Variants in NSMCE1 observed in about 807,000 individuals in gnomAD.
NSMCE1 encodes non-structural maintenance of chromosomes element 1 homolog.
In NSMCE1, 18 loss-of-function variants were observed where a neutral mutation model predicts 29.6. That is an observed-to-expected ratio of 0.61 (90% CI 0.42 to 0.90). The LOEUF is 0.90. Ranked by LOEUF, NSMCE1 falls within the 40% of genes least tolerant of loss-of-function variation. NSMCE1 has a pLI of 0.00. For missense variants in NSMCE1, 314 were observed against 343.6 expected (o/e 0.91, Z 0.68); for synonymous variants, 124 against 133.4 (o/e 0.93, Z 0.49).
intron 2 of NSMCE1, among the ~76,000 whole-genome samples, chr16:27,247,457 T>G (rs970187456): frequency 1.3e-5 from 2 of 152,148 alleles, no homozygotes; most frequent in East Asian, 1.9e-4. Context: ...TACCCAGTTT[T>G]GGGTATGTCT....
At chr16:27,252,868 G>A (rs1331347942) in intron 2 of NSMCE1, among the ~76,000 whole-genome samples, 4 of 152,142 alleles carry the variant, frequency 2.6e-5, no homozygotes, top group African/African-American at 4.8e-5. Flanking sequence ...GCAGTGAGCC[G>A]AGATCTTGCC....
At position 27,234,189 on chromosome 16, in the gene NSMCE1, G is replaced by C. The variant is rs1229509633; in HGVS notation, c.335C>G (p.Ala112Gly). ...AENELDLFRKALELIIDSETG... is the reference protein window; with the variant it reads ...AENELDLFRKGLELIIDSETG... The stretch of plus-strand genomic sequence containing the variant: ...GGCAATGGGGATTACTCTACTTACA[G>C]CCTTTCTAAACAAATCCAGTTCATT... The change falls in exon 4 of 8, where the codon GCT becomes GGT. Residue 112 changes from alanine to glycine, a missense_variant and splice_region_variant. By Grantham distance (60) the Ala-to-Gly change is moderately conservative. Transcript: ENST00000361439. 1 of 1,606,216 alleles carries C rather than the reference G, an allele frequency of 6.2e-7. No individual in the cohort carries two copies. The highest frequency in any genetic ancestry group is 8.5e-7 in the Non-Finnish European group (1 of 1,172,832).
At chr16:27,247,744 G>A (rs1596686787) in intron 2 of NSMCE1, among the ~76,000 whole-genome samples, 1 of 152,074 alleles carries the variant, frequency 6.6e-6, no homozygotes, top group African/African-American at 2.4e-5. Context: ...GGCTAACACA[G>A]TGAAACCCCA....
chr16:27,235,510 T>C (rs901296001), intron 2 of NSMCE1, among the ~76,000 whole-genome samples: 5 of 152,024 alleles, frequency 3.3e-5, no homozygotes, highest in African/African-American at 9.7e-5. Flanking sequence ...ATGGAGGGCG[T>C]TGTGAGGCAG....
chr16:27,265,377 C>T (rs771745080), intron 1 of NSMCE1, among the ~76,000 whole-genome samples: 12 of 151,960 alleles, frequency 7.9e-5, no homozygotes, highest in Middle Eastern at 3.4e-3. Context: ...CCTGTTGCCC[C>T]AGCTGGTCTC....
Position 27,225,186 on chromosome 16 carries a change from T to C in NSMCE1, c.772A>G (p.Lys258Glu), listed in dbSNP as rs745690563. Residue 258 changes from lysine to glutamate, a missense_variant, in exon 8 of 8, where the codon AAA (lysine) becomes GAA (glutamate). By Grantham distance (56) the Lys-to-Glu change is moderately conservative. Coordinates refer to ENST00000361439, the MANE Select transcript of NSMCE1 (RefSeq NM_145080.4). ...TGCTGCCTGGACCGCAGGGACTTTTTGTTCGATTTCAAGACACCAGACTCC... is the reference window on the plus strand; with the variant it reads ...TGCTGCCTGGACCGCAGGGACTTTTCGTTCGATTTCAAGACACCAGACTCC... The part of the protein sequence containing the change: ...ERESGVLKSN[K>E]KSLRSRQH The C allele has an allele frequency of 6.2e-7, 1 of 1,606,934 alleles. No homozygotes were observed. The highest frequency in any genetic ancestry group is 8.5e-7 in the Non-Finnish European group (1 of 1,175,956).
intron 1 of NSMCE1, among the ~76,000 whole-genome samples, chr16:27,263,229 A>G (rs1381265080): frequency 1.3e-5 from 2 of 152,224 alleles, no homozygotes; most frequent in Non-Finnish European, 1.5e-5. Context: ...TTCTACCATA[A>G]AGACACATGC....
chr16:27,225,087 C>G lies in NSMCE1; in HGVS notation c.*70G>C. The G allele has an allele frequency of 7.1e-6, 6 of 849,422 alleles. No homozygotes were observed. Among genetic ancestry groups the G allele is most frequent in the Non-Finnish European group, 1.2e-5 (6 of 508,042 alleles). The allele number at this position is 849,422 out of a possible 1,614,324, so 52.6% of individuals were successfully genotyped here. On this transcript the variant is annotated 3_prime_UTR_variant, in exon 8 of 8. Transcript: ENST00000361439. ...TCGCGTGGAACCTGAAACACGGACG[C>G]CTTTCTTCCAAGAAGGGCTGTGGCG...
At position 27,232,015 on chromosome 16, in the gene NSMCE1, C is replaced by T. The variant is rs541970603; in HGVS notation, c.483+986G>A. On this transcript the variant is annotated intron_variant, in intron 5 of 7. Transcript: ENST00000361439. The surrounding 1 kb of genome is among the most constrained non-coding windows in gnomAD (Gnocchi z 4.5). ...CCACCCTGTCTTCCCATCAGGTACC[C>T]CAGGAACTGAATTCGGGTCAGGTTC... Among the ~76,000 whole-genome samples the T allele has an allele frequency of 1.3e-5, 2 of 152,326 alleles. No homozygotes were observed. The highest frequency in any genetic ancestry group is 2.1e-4 in the South Asian group (1 of 4,826).
chr16:27,246,086 A>C (rs2083954690), intron 2 of NSMCE1, among the ~76,000 whole-genome samples: 1 of 152,224 alleles, frequency 6.6e-6, no homozygotes, highest in Non-Finnish European at 1.5e-5. Context: ...AGCACGCTGG[A>C]AACAAACCCG....
At chr16:27,226,586 G>C (rs923315935) in intron 6 of NSMCE1, 134 bp downstream of exon 6, 2 of 623,614 alleles carry the variant, frequency 3.2e-6, no homozygotes, top group South Asian at 3.9e-5. Context: ...GATGGCCTCC[G>C]CCAGCTCTTG....
chr16:27,227,097 G>C (rs1047886019), intron 5 of NSMCE1, among the ~76,000 whole-genome samples: 1 of 152,242 alleles, frequency 6.6e-6, no homozygotes, highest in South Asian at 2.1e-4. Flanking sequence ...GCCTTCAGAC[G>C]TGACTTCTCT....
At chr16:27,255,387 A>G (rs1596693881) in intron 2 of NSMCE1, among the ~76,000 whole-genome samples, 2 of 152,336 alleles carry the variant, frequency 1.3e-5, no homozygotes, top group South Asian at 4.1e-4. Flanking sequence ...CCGCAGAAGT[A>G]AAAAGCCATT....
At chr16:27,253,384 G>A (rs568712134) in intron 2 of NSMCE1, among the ~76,000 whole-genome samples, 26 of 152,312 alleles carry the variant, frequency 1.7e-4, no homozygotes, top group Admixed American at 9.8e-4. Context: ...GTTATCTAGA[G>A]AACTGGAGTA....
chr16:27,239,246 C>T (rs973409707), intron 2 of NSMCE1, among the ~76,000 whole-genome samples: 2 of 152,180 alleles, frequency 1.3e-5, no homozygotes, highest in Admixed American at 6.5e-5. Context: ...GTCCACTAAG[C>T]GCTAAGGTTG....
intron 2 of NSMCE1, among the ~76,000 whole-genome samples, chr16:27,239,792 CA>C (rs1410507360): frequency 1.3e-5 from 2 of 152,176 alleles, no homozygotes; most frequent in Non-Finnish European, 2.9e-5. Flanking sequence ...ATGTTTAAAT[CA>C]AGCAAGTTGA....
At chr16:27,227,942 C>T (rs573119189) in intron 5 of NSMCE1, among the ~76,000 whole-genome samples, 2 of 152,200 alleles carry the variant, frequency 1.3e-5, no homozygotes, top group South Asian at 2.1e-4. Flanking sequence ...TGCGCCACCA[C>T]GCCTGGCTAA....
chr16:27,265,161 C>CTTTTTTTTTT (rs5816427), intron 1 of NSMCE1, among the ~76,000 whole-genome samples: 15 of 82,670 alleles, frequency 1.8e-4, no homozygotes, highest in South Asian at 5.5e-4. Context: ...AATTCTTTTC[C>CTTTTTTTTTT]TTTTTTTTTT....
In NSMCE1 at chr16:27,225,838, G is replaced by A; in HGVS notation, c.609C>T (p.Ser203=). The A allele has an allele frequency of 6.2e-7, 1 of 1,614,092 alleles. No homozygotes were observed. Among genetic ancestry groups the A allele is most frequent in the Admixed American group, 1.7e-5 (1 of 60,028 alleles). Residue 203 remains serine, a synonymous_variant, in exon 7 of 8, where the codon AGC becomes AGT. Transcript: ENST00000361439. ...GCATCCTGATCCCACAGGTTTCGCA[G>A]CTTTGACCCTGAAACAGGAAAGGCC... ...ICHSLLIQGQ[S]CETCGIRMHL...
Sources: allele counts gnomAD v4.1 joint callset (sites outside exome capture counted in the v4.1 genomes callset), GRCh38; gene constraint gnomAD v4.1.1; non-coding constraint Gnocchi (gnomAD v3.1); transcripts MANE v1.5; gene names NCBI Gene and HGNC (gene_info 2026-07-23, HGNC 2026-07-21).